VWA3B: variants seen among roughly 807,000 people sequenced by gnomAD.
VWA3B encodes the protein von Willebrand factor A domain-containing protein 3B.
In VWA3B, 138 loss-of-function variants were observed where a neutral mutation model predicts 158.3. The ratio of observed to expected loss-of-function variants is 0.87; its 90% CI spans 0.76 to 1.00. The LOEUF is 1.00. VWA3B is among the 50% of genes least tolerant of loss of function. The probability of loss-of-function intolerance (pLI) is 0.00; values close to 1 mark genes in which losing one functional copy is unlikely to be tolerated. For missense variants in VWA3B, 1,555 were observed against 1,565.1 expected (o/e 0.99, Z 0.11); for synonymous variants, 596 against 587.3 (o/e 1.01, Z -0.21).
chr2:98,177,092 G>A (rs1680076261), intron 8 of VWA3B, among the ~76,000 whole-genome samples: 1 of 152,194 alleles, frequency 6.6e-6, no homozygotes, highest in Non-Finnish European at 1.5e-5. Flanking sequence ...AGGGTGGGTG[G>A]ATGAGGGACA....
At chr2:98,194,539 C>T in intron 12 of VWA3B, 47 bp downstream of exon 12, 2 of 1,598,664 alleles carry the variant, frequency 1.3e-6, no homozygotes, top group Non-Finnish European at 1.7e-6. Context: ...AGTCTCTCAC[C>T]TGTGTACTGA....
chr2:98,259,678 A>C (rs1391417665), intron 21 of VWA3B, among the ~76,000 whole-genome samples: 1 of 151,764 alleles, frequency 6.6e-6, no homozygotes, highest in Non-Finnish European at 1.5e-5. Context: ...GATATTCTCA[A>C]GGAACAAACT....
intron 22 of VWA3B, among the ~76,000 whole-genome samples, chr2:98,286,385 A>G (rs1158506156): frequency 6.6e-5 from 10 of 152,226 alleles, no homozygotes; most frequent in Non-Finnish European, 4.4e-5. Flanking sequence ...ATTAGGTATC[A>G]TGTTTACTGT....
At chr2:98,189,801 A>T (rs1399296253) in intron 10 of VWA3B, among the ~76,000 whole-genome samples, 1 of 152,152 alleles carries the variant, frequency 6.6e-6, no homozygotes, top group East Asian at 1.9e-4. Context: ...ACTTTTTTGT[A>T]ATTATGAAAT....
intron 5 of VWA3B, among the ~76,000 whole-genome samples, chr2:98,122,816 A>G (rs1429431278): frequency 6.6e-6 from 1 of 152,236 alleles, no homozygotes; most frequent in East Asian, 1.9e-4. Flanking sequence ...TATTCCAGGA[A>G]GTAAGGAACA....
At chr2:98,150,530 G>A (rs1022025364) in intron 7 of VWA3B, among the ~76,000 whole-genome samples, 1 of 152,214 alleles carries the variant, frequency 6.6e-6, no homozygotes, top group African/African-American at 2.4e-5. Flanking sequence ...TGCAGAGGTG[G>A]CTCTGATGTG....
chr2:98,118,475 C>CT (rs1208151163), intron 3 of VWA3B, among the ~76,000 whole-genome samples: 1 of 152,166 alleles, frequency 6.6e-6, no homozygotes, highest in Non-Finnish European at 1.5e-5. Context: ...CTAAGCCTAG[C>CT]TGGGAAGGTG....
intron 8 of VWA3B, among the ~76,000 whole-genome samples, chr2:98,177,577 T>C (rs968502026): frequency 1.3e-5 from 2 of 151,720 alleles, no homozygotes; most frequent in Non-Finnish European, 2.9e-5. Context: ...TTTTTTTTTC[T>C]CCTTTCTTTA....
At chr2:98,202,871 C>T (rs928044929) in intron 12 of VWA3B, among the ~76,000 whole-genome samples, 12 of 152,160 alleles carry the variant, frequency 7.9e-5, no homozygotes, top group African/African-American at 1.9e-4. Context: ...TCGCTCTTGT[C>T]GCCCAGGCTG....
intron 7 of VWA3B, among the ~76,000 whole-genome samples, chr2:98,159,015 ATCCTGTAGG>A (rs992665592): frequency 1.3e-5 from 2 of 152,186 alleles, no homozygotes; most frequent in African/African-American, 4.8e-5. Flanking sequence ...ACTGGGTTTT[ATCCTGTAGG>A]TGAGATGTGG....
intron 12 of VWA3B, among the ~76,000 whole-genome samples, chr2:98,198,548 TAA>T (rs57194776): frequency 0.044 from 6,661 of 150,018 alleles, 226 homozygotes; most frequent in Non-Finnish European, 0.069. Context: ...TTGCATGCAG[TAA>T]AAAAAAAAAC....
chr2:98,227,898 A>G (rs1424187369), intron 14 of VWA3B, among the ~76,000 whole-genome samples: 1 of 152,264 alleles, frequency 6.6e-6, no homozygotes, highest in Admixed American at 6.5e-5. Context: ...AGCTTGTTGT[A>G]TGTGAATTAC....
intron 19 of VWA3B, among the ~76,000 whole-genome samples, chr2:98,248,230 G>T (rs1356236944): frequency 4.0e-5 from 6 of 151,894 alleles, no homozygotes; most frequent in Non-Finnish European, 7.4e-5. Flanking sequence ...TTAATTTAAA[G>T]TCATTGTTAG....
chr2:98,129,224 A>AGAGAGTGG (rs1370543551), intron 6 of VWA3B, among the ~76,000 whole-genome samples: 1 of 124,562 alleles, frequency 8.0e-6, no homozygotes, highest in Admixed American at 7.8e-5. Context: ...AGAGAGAGAG[A>AGAGAGTGG]GTGTGTGTGT....
intron 8 of VWA3B, among the ~76,000 whole-genome samples, chr2:98,169,705 C>G (rs535687259): frequency 6.8e-6 from 1 of 146,134 alleles, no homozygotes; most frequent in African/African-American, 2.6e-5. Context: ...GTGGGACACA[C>G]CTGGGCATTC....
chr2:98,173,779 A>G (rs1679788673), intron 8 of VWA3B, among the ~76,000 whole-genome samples: 1 of 152,206 alleles, frequency 6.6e-6, no homozygotes, highest in South Asian at 2.1e-4. Context: ...CATTCTGGCC[A>G]ACACTGTGAA....
At chr2:98,310,666 G>A (rs549561979) in intron 26 of VWA3B, among the ~76,000 whole-genome samples, 5 of 152,258 alleles carry the variant, frequency 3.3e-5, no homozygotes, top group East Asian at 1.9e-4. Flanking sequence ...GAGCAGGGGC[G>A]GTAAGTGTAC....
At chr2:98,288,124 C>A (rs1426562161) in intron 22 of VWA3B, among the ~76,000 whole-genome samples, 1 of 152,136 alleles carries the variant, frequency 6.6e-6, no homozygotes, top group Non-Finnish European at 1.5e-5. Flanking sequence ...CAATTTGGGA[C>A]TCTATTGATT....
At chr2:98,108,136 AT>A (rs1162581223) in intron 2 of VWA3B, among the ~76,000 whole-genome samples, 1 of 151,924 alleles carries the variant, frequency 6.6e-6, no homozygotes, top group Non-Finnish European at 1.5e-5. Flanking sequence ...TTAGATGCGT[AT>A]TGTTTAGTTT....
Sources: allele counts gnomAD v4.1 joint callset (sites outside exome capture counted in the v4.1 genomes callset), GRCh38; gene constraint gnomAD v4.1.1; transcripts MANE v1.5; gene names NCBI Gene and HGNC (gene_info 2026-07-23, HGNC 2026-07-21).